Variants in SPIDR observed in about 807,000 individuals in gnomAD.
The protein encoded by SPIDR is scaffold protein involved in DNA repair, also known as DNA repair-scaffolding protein.
SPIDR carries 93 observed loss-of-function variants against 104.6 expected under a neutral mutation model. The observed-to-expected ratio is 0.89, with a 90% CI of 0.75 to 1.06. The LOEUF (loss-of-function observed/expected upper bound fraction) is 1.06. Among genes scored for constraint, SPIDR ranks in the 50% least tolerant of loss-of-function variants. The probability of loss-of-function intolerance (pLI) is 0.00; values close to 1 mark genes in which losing one functional copy is unlikely to be tolerated. For missense variants in SPIDR, 1,154 were observed against 1,111.2 expected (o/e 1.04, Z -0.55); for synonymous variants, 431 against 416.9 (o/e 1.03, Z -0.41).
chr8:47,654,999 A>G (rs931239473), intron 10 of SPIDR, among the ~76,000 whole-genome samples: 2 of 151,750 alleles, frequency 1.3e-5, no homozygotes, highest in African/African-American at 4.8e-5. Context: ...TCCCTGTGAT[A>G]GTTTGCTGAG....
intron 19 of SPIDR, among the ~76,000 whole-genome samples, chr8:47,734,175 G>T (rs771854984): frequency 2.0e-5 from 3 of 152,176 alleles, no homozygotes; most frequent in Non-Finnish European, 4.4e-5. Context: ...GGGAGTCACA[G>T]AAGGCTCCTA....
At chr8:47,357,718 CTTTTG>C (rs1247823227) in intron 5 of SPIDR, 3 of 237,878 alleles carry the variant, frequency 1.3e-5, no homozygotes, top group Non-Finnish European at 2.0e-5. Context: ...TAAATATGTG[CTTTTG>C]TTTTGTTTTT....
At chr8:47,581,941 G>T (rs963678725) in intron 8 of SPIDR, among the ~76,000 whole-genome samples, 6 of 152,178 alleles carry the variant, frequency 3.9e-5, no homozygotes, top group Non-Finnish European at 5.9e-5. Context: ...CTGTGACTGG[G>T]CATGGTGGCT....
intron 7 of SPIDR, among the ~76,000 whole-genome samples, chr8:47,409,905 A>G (rs557307832): frequency 2.6e-5 from 4 of 152,202 alleles, no homozygotes; most frequent in East Asian, 1.9e-4. Context: ...GCACACGTCT[A>G]TAGTCCTAAC....
chr8:47,646,825 A>G (rs1309101299), intron 10 of SPIDR, among the ~76,000 whole-genome samples: 2 of 152,154 alleles, frequency 1.3e-5, no homozygotes, highest in Admixed American at 6.6e-5. Context: ...ATTTTGAATT[A>G]TATATATTAC....
At chr8:47,605,929 A>G (rs778496770) in intron 10 of SPIDR, among the ~76,000 whole-genome samples, 2 of 152,200 alleles carry the variant, frequency 1.3e-5, no homozygotes, top group Non-Finnish European at 2.9e-5. Flanking sequence ...TGAGTCTGCC[A>G]TCTGGCTGCT....
intron 16 of SPIDR, among the ~76,000 whole-genome samples, chr8:47,726,149 C>T (rs2084204715): frequency 6.6e-6 from 1 of 152,228 alleles, no homozygotes; most frequent in Admixed American, 6.5e-5. Flanking sequence ...TGCTTTTCAT[C>T]CCTTTGACCC....
chr8:47,330,277 C>A (rs1172935936), intron 5 of SPIDR, among the ~76,000 whole-genome samples: 8 of 151,960 alleles, frequency 5.3e-5, no homozygotes, highest in African/African-American at 1.2e-4. Context: ...TTCCCTCCCC[C>A]ACATATGCAT....
At chr8:47,303,923 C>G (rs1239036598) in intron 5 of SPIDR, among the ~76,000 whole-genome samples, 2 of 152,134 alleles carry the variant, frequency 1.3e-5, no homozygotes, top group African/African-American at 4.8e-5. Flanking sequence ...TTGATCCACC[C>G]ACCTCGGCCT....
At chr8:47,559,163 T>A (rs1252305825) in intron 8 of SPIDR, among the ~76,000 whole-genome samples, 1 of 152,198 alleles carries the variant, frequency 6.6e-6, no homozygotes, top group Non-Finnish European at 1.5e-5. Context: ...GTCAACTGTA[T>A]AATATAAAAG....
intron 8 of SPIDR, among the ~76,000 whole-genome samples, chr8:47,463,728 T>TAATATACCA (rs1382537883): frequency 6.6e-6 from 1 of 152,218 alleles, no homozygotes; most frequent in Non-Finnish European, 1.5e-5. Context: ...CCAATTCATG[T>TAATATACCA]AATATACCAC....
chr8:47,470,366 G>A (rs1045349752), intron 8 of SPIDR, among the ~76,000 whole-genome samples: 5 of 151,988 alleles, frequency 3.3e-5, no homozygotes, highest in Non-Finnish European at 5.9e-5. Flanking sequence ...TCGGCTCACC[G>A]CAACCTCCAC....
chr8:47,422,558 G>A (rs950958852), intron 7 of SPIDR, among the ~76,000 whole-genome samples: 4 of 152,214 alleles, frequency 2.6e-5, no homozygotes, highest in Admixed American at 2.0e-4. Flanking sequence ...TGTGCTTCCC[G>A]GGTGAGGCGA....
intron 8 of SPIDR, among the ~76,000 whole-genome samples, chr8:47,531,668 C>T (rs1319661665): frequency 1.3e-5 from 2 of 152,144 alleles, no homozygotes; most frequent in Admixed American, 6.5e-5. Context: ...CTGCAGTTTC[C>T]TTTTCTCTTA....
chr8:47,647,233 A>G (rs1210333586), intron 10 of SPIDR, among the ~76,000 whole-genome samples: 1 of 152,212 alleles, frequency 6.6e-6, no homozygotes, highest in Non-Finnish European at 1.5e-5. Context: ...ACAGCAAGAA[A>G]TAAGGGCCAA....
chr8:47,608,216 C>T (rs2063197923), intron 10 of SPIDR, among the ~76,000 whole-genome samples: 1 of 152,138 alleles, frequency 6.6e-6, no homozygotes, highest in African/African-American at 2.4e-5. Flanking sequence ...TCGTGACTGG[C>T]TTCTTTTACC....
intron 8 of SPIDR, among the ~76,000 whole-genome samples, chr8:47,445,042 ATTG>A (rs534911297): frequency 3.4e-4 from 52 of 152,252 alleles, no homozygotes; most frequent in Middle Eastern, 6.8e-3. Flanking sequence ...ACTCCTTGAT[ATTG>A]TTAAGTCATC....
At chr8:47,664,445 A>C (rs1332520941) in intron 10 of SPIDR, among the ~76,000 whole-genome samples, 1 of 152,230 alleles carries the variant, frequency 6.6e-6, no homozygotes, top group Non-Finnish European at 1.5e-5. Context: ...AAAGGAACAT[A>C]TGTTAACAAT....
intron 5 of SPIDR, among the ~76,000 whole-genome samples, chr8:47,348,060 T>C (rs1554619559): frequency 6.6e-6 from 1 of 152,222 alleles, no homozygotes; most frequent in African/African-American, 2.4e-5. Flanking sequence ...CTTTACAATT[T>C]GGCATGTTTT....
Sources: gnomAD v4.1 joint callset for allele counts (sites outside exome capture counted in the v4.1 genomes callset) on GRCh38, gnomAD v4.1.1 for gene constraint, MANE v1.5 for transcripts, NCBI Gene and HGNC (gene_info 2026-07-23, HGNC 2026-07-21) for gene names.